Variants in MZF1 observed in about 807,000 individuals in gnomAD.
MZF1 encodes the protein zinc finger and SCAN domain-containing protein 6.
In MZF1, 24 loss-of-function variants were observed where a neutral mutation model predicts 28.6. The observed-to-expected ratio is 0.84, with a 90% CI of 0.61 to 1.18. The LOEUF (loss-of-function observed/expected upper bound fraction) is 1.18. MZF1 is among the 50% of genes most tolerant of loss of function. MZF1 has a pLI of 0.00. For missense variants in MZF1, 1,166 were observed against 1,026.4 expected, an observed-to-expected ratio of 1.14 and a Z score of -1.86; for synonymous variants, 516 against 432.5, an observed-to-expected ratio of 1.19 and a Z score of -2.40.
rs749614734 is a variant in MZF1, at chr19:58,562,643, T to G, written c.1634A>C (p.Glu545Ala). 1 of 1,555,598 alleles carries G rather than the reference T, an allele frequency of 6.4e-7. No individual in the cohort carries two copies. The highest frequency in any genetic ancestry group is 8.6e-7 in the Non-Finnish European group (1 of 1,156,364). Residue 545 changes from glutamate (E) to alanine (A), a missense_variant, in exon 6 of 6, where the codon GAG becomes GCG. Glu to Ala is a moderately radical substitution (Grantham distance 107, BLOSUM62 -1). Coordinates refer to ENST00000215057, the MANE Select transcript of MZF1 (RefSeq NM_198055.2). ...HSGERPFACA[E>A]CGQSFRQRSN... ...GCGCTGCCGGAAGCTCTGGCCGCAC[T>G]CGGCACAGGCGAAGGGCCGCTCGCC...
intron 5 of MZF1, among the ~76,000 whole-genome samples, chr19:58,564,946 A>G (rs1308011560): frequency 1.2e-5 from 1 of 85,280 alleles, no homozygotes; most frequent in East Asian, 4.5e-4. Context: ...TTTGAGACTG[A>G]GTCTTGCTGT....
At position 58,571,247 on chromosome 19, in the gene MZF1, C is replaced by T. The variant is rs138687476; in HGVS notation, c.143G>A (p.Arg48Gln). ...TGTGGCCTCCTCATAGCGGAAGCAC[C>T]GGAAACGCAGGCGTGCAGCTTCAGG... The part of the protein sequence containing the change: ...PGPEAARLRF[R>Q]CFRYEEATGP... The change falls in exon 2 of 6, where the codon CGG becomes CAG. Residue 48 changes from arginine to glutamine, a missense_variant. By Grantham distance (43) the Arg-to-Gln change is conservative (BLOSUM62 1). Transcript: ENST00000215057. The T allele has an allele frequency of 1.6e-5, 25 of 1,612,682 alleles. No homozygotes were observed. Among genetic ancestry groups the T allele is most frequent in the East Asian group, 2.2e-5 (1 of 44,850 alleles).
At position 58,562,978 on chromosome 19, in the gene MZF1, C is replaced by T; in HGVS notation, c.1299G>A (p.Val433=). The part of the protein sequence containing the change: ...RSARLEEHRR[V]HTGEQPFRCA... Reference sequence around the variant, plus strand: ...AACGGAAAGGCTGTTCGCCCGTGTGCACTCTCCGATGCTCTTCCAGGCGCG... The same window carrying T: ...AACGGAAAGGCTGTTCGCCCGTGTGTACTCTCCGATGCTCTTCCAGGCGCG... The change falls in exon 6 of 6, where the codon GTG becomes GTA. Residue 433 remains valine, a synonymous_variant. Transcript: ENST00000215057. The T allele has an allele frequency of 1.2e-6, 2 of 1,601,944 alleles. No homozygotes were observed. Among genetic ancestry groups the T allele is most frequent in the Non-Finnish European group, 8.5e-7 (1 of 1,179,596 alleles).
Position 58,562,285 on chromosome 19 carries a change from C to T in MZF1, c.1992G>A (p.Gln664=), listed in dbSNP as rs1353980132. The stretch of plus-strand genomic sequence containing the variant: ...GCCGGTGCTGGGTGAGGTTGGCGTG[C>T]TGCCGAAAGCTCTGGCCGCACTCGG... The part of the protein sequence containing the change: ...ACPECGQSFR[Q]HANLTQHRRI... The change falls in exon 6 of 6, where the codon CAG becomes CAA. Residue 664 remains glutamine (Q), a synonymous_variant. Coordinates refer to ENST00000215057, the MANE Select transcript of MZF1 (RefSeq NM_198055.2). The T allele has an allele frequency of 6.2e-7, 1 of 1,609,298 alleles. No homozygotes were observed. The highest frequency in any genetic ancestry group is 8.5e-7 in the Non-Finnish European group (1 of 1,178,908).
chr19:58,564,435 G>C (rs542273858), intron 5 of MZF1: 1 of 152,284 alleles, frequency 6.6e-6, no homozygotes, highest in Admixed American at 6.5e-5. Flanking sequence ...CAGTAAGAAA[G>C]ATCAATAACC....
At chr19:58,569,093 G>A in intron 5 of MZF1, 184 bp downstream of exon 5, 3 of 696,020 alleles carry the variant, frequency 4.3e-6, no homozygotes, top group Non-Finnish European at 6.7e-6. Context: ...GTAGTGGTGG[G>A]TGGCTTTTTT....
At position 58,571,126 on chromosome 19, in the gene MZF1, C is replaced by T; in HGVS notation, c.264G>A (p.Val88=). ...RSKEQMLELL[V]LEQFLGALPP... ...GCAGTGCGCCCAGGAACTGCTCCAG[C>T]ACCAACAGCTCCAGCATCTGCTCCT... Residue 88 remains valine, a synonymous_variant, in exon 2 of 6, where the codon GTG becomes GTA. Transcript: ENST00000215057. 6.2e-7 allele frequency: 1 copy of T among 1,614,088 alleles called. No individual in the cohort carries two copies. The highest frequency in any genetic ancestry group is 1.7e-5 in the Admixed American group (1 of 60,018).
At chr19:58,564,904 T>G (rs112891915) in intron 5 of MZF1, among the ~76,000 whole-genome samples, 650 of 53,762 alleles carry the variant, frequency 0.012, no homozygotes, top group South Asian at 0.014. Context: ...ATGTGTGTGT[T>G]TTTTTTTTTT....
At position 58,563,281 on chromosome 19, in the gene MZF1, G is replaced by A; in HGVS notation, c.996C>T (p.Thr332=). ...PCRGVGPALI[T]TRWRSPRGRS... The stretch of plus-strand genomic sequence containing the variant: ...GGCCCCTGGGGGAGCGCCAGCGGGT[G>A]GTGATCAGAGCAGGGCCCACACCCC... The change falls in exon 6 of 6, where the codon ACC becomes ACT. Residue 332 remains threonine, a synonymous_variant. Transcript: ENST00000215057. 2 of 1,607,448 alleles carry A rather than the reference G, an allele frequency of 1.2e-6. No individual in the cohort carries two copies. The highest frequency in any genetic ancestry group is 2.2e-5 in the South Asian group (2 of 90,392).
intron 5 of MZF1, among the ~76,000 whole-genome samples, chr19:58,564,921 T>TTTTTTTTTTTTTTTTTTTTTTTTTTTTTG (rs2054016294): frequency 8.1e-6 from 1 of 122,796 alleles, no homozygotes; most frequent in African/African-American, 3.3e-5. Flanking sequence ...TTTTTTTTTT[T>TTTTTTTTTTTTTTTTTTTTTTTTTTTTTG]TTTTTTTTTT....
At chr19:58,568,753 T>C (rs2054102557) in intron 5 of MZF1, 1 of 153,756 alleles carries the variant, frequency 6.5e-6, no homozygotes, top group Non-Finnish European at 1.4e-5. Context: ...AGATGGGTTG[T>C]AGGAGGAGCC....
chr19:58,567,501 C>A (rs905686024), intron 5 of MZF1, among the ~76,000 whole-genome samples: 1 of 152,228 alleles, frequency 6.6e-6, no homozygotes, highest in Non-Finnish European at 1.5e-5. Context: ...ATGTTAATCT[C>A]TTTCCCAAGG....
intron 5 of MZF1, among the ~76,000 whole-genome samples, chr19:58,564,902 G>GTTTTTTTTTTTTTTTTTTT (rs71190056): frequency 7.1e-5 from 3 of 41,996 alleles, no homozygotes; most frequent in African/African-American, 2.2e-4. Context: ...CCATGTGTGT[G>GTTTTTTTTTTTTTTTTTTT]TTTTTTTTTT....
chr19:58,569,837 C>A (rs1359677608), intron 3 of MZF1: 1 of 490,896 alleles, frequency 2.0e-6, no homozygotes, highest in African/African-American at 2.0e-5. Context: ...CGTATGTGAA[C>A]CATGGGGCAA....
chr19:58,567,193 C>T (rs1245976402), intron 5 of MZF1, among the ~76,000 whole-genome samples: 5 of 152,230 alleles, frequency 3.3e-5, no homozygotes, highest in African/African-American at 4.8e-5. Context: ...CAGGCATGAG[C>T]GGCTGCGCCT....
At chr19:58,566,140 C>CA (rs549151670) in intron 5 of MZF1, among the ~76,000 whole-genome samples, 1,877 of 110,708 alleles carry the variant, frequency 0.017, 35 homozygotes, top group African/African-American at 0.054. Flanking sequence ...GACTCCGTCT[C>CA]AAAAAAAAAA....
rs1320477604 is a variant in MZF1, at chr19:58,562,400, T to C, written c.1877A>G (p.His626Arg). The change falls in exon 6 of 6, where the codon CAC (histidine) becomes CGC (arginine). Residue 626 changes from histidine to arginine, a missense_variant. Coordinates refer to ENST00000215057, the MANE Select transcript of MZF1 (RefSeq NM_198055.2). Reference sequence around the variant, plus strand: ...GAAGCCCAGGCCGCACTCACCGCAGTGGTAGGGCTTTTCGCCGGTGTGTGT... The same window carrying C: ...GAAGCCCAGGCCGCACTCACCGCAGCGGTAGGGCTTTTCGCCGGTGTGTGT... Reference protein sequence around the residue: ...QRTHTGEKPYHCGECGLGFTQ... With the variant: ...QRTHTGEKPYRCGECGLGFTQ... 4 of 1,602,104 alleles carry C rather than the reference T, an allele frequency of 2.5e-6. No homozygotes were observed. Among genetic ancestry groups the C allele is most frequent in the Non-Finnish European group, 1.7e-6 (2 of 1,176,544 alleles).
chr19:58,570,273 C>T, intron 3 of MZF1, 71 bp downstream of exon 3: 1 of 1,482,628 alleles, frequency 6.7e-7, no homozygotes, highest in Non-Finnish European at 9.0e-7. Flanking sequence ...GGACTTCAGA[C>T]TGACTGCTCA....
chr19:58,566,140 C>CAA (rs549151670), intron 5 of MZF1, among the ~76,000 whole-genome samples: 2 of 110,840 alleles, frequency 1.8e-5, no homozygotes, highest in Admixed American at 9.3e-5. Flanking sequence ...GACTCCGTCT[C>CAA]AAAAAAAAAA....
Sources: allele counts gnomAD v4.1 joint callset (sites outside exome capture counted in the v4.1 genomes callset), GRCh38; gene constraint gnomAD v4.1.1; transcripts MANE v1.5; gene names NCBI Gene and HGNC (gene_info 2026-07-23, HGNC 2026-07-21).